The following XKR4 variants were observed in gnomAD, a reference collection of about 807,000 sequenced individuals.
XKR4 encodes the protein XK related 4.
XKR4 carries 12 observed loss-of-function variants against 53.9 expected under a neutral mutation model. That is an observed-to-expected ratio of 0.22 (90% CI 0.14 to 0.36). The LOEUF (loss-of-function observed/expected upper bound fraction) is 0.36. XKR4 is among the 10% of genes least tolerant of loss of function. XKR4 has a pLI of 1.00. For synonymous variants in XKR4, 354 were observed against 362.4 expected (o/e 0.98, Z 0.26); for missense variants, 799 against 859.5 (o/e 0.93, Z 0.88).
At chr8:55,348,693 C>A (rs2979054) in intron 1 of XKR4, among the ~76,000 whole-genome samples, 18,007 of 125,566 alleles carry the variant, frequency 0.14, 1,363 homozygotes, top group Non-Finnish European at 0.19. Context: ...GACAAACATA[C>A]ACACACACAC....
intron 1 of XKR4, among the ~76,000 whole-genome samples, chr8:55,303,381 C>T (rs558347637): frequency 1.3e-5 from 2 of 152,098 alleles, no homozygotes; most frequent in South Asian, 2.1e-4. Flanking sequence ...TTTTGATGTG[C>T]TGCTGGATTC....
chr8:55,230,144 G>A (rs570583392), intron 1 of XKR4, among the ~76,000 whole-genome samples: 366 of 152,130 alleles, frequency 2.4e-3, no homozygotes, highest in African/African-American at 8.3e-3. Flanking sequence ...TTACTTCTCT[G>A]TTCATGTTAC....
At chr8:55,315,883 T>G (rs10504188) in intron 1 of XKR4, among the ~76,000 whole-genome samples, 1 of 152,060 alleles carries the variant, frequency 6.6e-6, no homozygotes, top group African/African-American at 2.4e-5. Flanking sequence ...TGATAGCATC[T>G]CTCTGAAAAT....
intron 2 of XKR4, among the ~76,000 whole-genome samples, chr8:55,515,796 T>C (rs1057367816): frequency 3.3e-5 from 5 of 152,178 alleles, no homozygotes; most frequent in Non-Finnish European, 5.9e-5. Context: ...GAGGCAAACC[T>C]ATTAGGGAGC....
chr8:55,481,657 G>C lies in XKR4; in HGVS notation c.1007-41624G>C, dbSNP rs1044253751. Among the ~76,000 whole-genome samples the C allele has an allele frequency of 6.5e-4, 99 of 151,888 alleles. 1 individual carries two copies. The highest frequency in any genetic ancestry group is 2.4e-3 in the African/African-American group (98 of 41,366). ...TTGCAACCTACTCATCTGACAAAGG[G>C]CTAATATCCAGAATCTACAATGAAC... On this transcript the variant is annotated intron_variant, in intron 2 of 2. Coordinates refer to ENST00000327381, the MANE Select transcript of XKR4 (RefSeq NM_052898.2).
chr8:55,168,065 T>C (rs573128703), intron 1 of XKR4, among the ~76,000 whole-genome samples: 5 of 152,250 alleles, frequency 3.3e-5, no homozygotes, highest in East Asian at 1.9e-4. Flanking sequence ...ACCATGAAAA[T>C]TGGGAAACTC....
At chr8:55,271,028 A>G (rs572172221) in intron 1 of XKR4, among the ~76,000 whole-genome samples, 3 of 152,328 alleles carry the variant, frequency 2.0e-5, no homozygotes, top group African/African-American at 4.8e-5. Context: ...CTTGTGCTCA[A>G]GAAGAACGAA....
chr8:55,108,330 T>G (rs1018029143), intron 1 of XKR4, among the ~76,000 whole-genome samples: 4 of 152,134 alleles, frequency 2.6e-5, no homozygotes, highest in African/African-American at 9.7e-5. Flanking sequence ...TTTGAAGGCA[T>G]GAAGGAGTCA....
chr8:55,425,629 G>A (rs1474242898), intron 2 of XKR4, among the ~76,000 whole-genome samples: 1 of 152,096 alleles, frequency 6.6e-6, no homozygotes, highest in Non-Finnish European at 1.5e-5. Context: ...TCTATCTGTT[G>A]GAGTTAGCCC....
At chr8:55,340,947 A>C (rs533122678) in intron 1 of XKR4, among the ~76,000 whole-genome samples, 1 of 152,296 alleles carries the variant, frequency 6.6e-6, no homozygotes, top group Non-Finnish European at 1.5e-5. Context: ...CGACAACCTG[A>C]AGAACTCAAA....
At chr8:55,288,595 G>A (rs548359594) in intron 1 of XKR4, among the ~76,000 whole-genome samples, 33 of 152,256 alleles carry the variant, frequency 2.2e-4, no homozygotes, top group African/African-American at 7.2e-4. Context: ...TGTTTTTAAA[G>A]CAAATATTCA....
chr8:55,311,844 A>AG (rs943835217), intron 1 of XKR4, among the ~76,000 whole-genome samples: 2 of 150,362 alleles, frequency 1.3e-5, no homozygotes, highest in South Asian at 2.1e-4. Flanking sequence ...AAAAAAAAAA[A>AG]AAAAAAAGAA....
chr8:55,401,955 T>C (rs1428001994), intron 2 of XKR4, among the ~76,000 whole-genome samples: 1 of 152,206 alleles, frequency 6.6e-6, no homozygotes, highest in Non-Finnish European at 1.5e-5. Flanking sequence ...AACTACTTTA[T>C]GTAAAATAAC....
At chr8:55,491,371 T>G (rs1806270005) in intron 2 of XKR4, among the ~76,000 whole-genome samples, 1 of 152,240 alleles carries the variant, frequency 6.6e-6, no homozygotes, top group South Asian at 2.1e-4. Context: ...TGTCCATGAT[T>G]TTTTATTGGA....
intron 1 of XKR4, among the ~76,000 whole-genome samples, chr8:55,261,502 A>G (rs1818525981): frequency 6.6e-6 from 1 of 152,202 alleles, no homozygotes; most frequent in Non-Finnish European, 1.5e-5. Context: ...AAGATCTTTC[A>G]TTTTGAATTC....
At chr8:55,328,782 G>A (rs1456954734) in intron 1 of XKR4, among the ~76,000 whole-genome samples, 1 of 152,128 alleles carries the variant, frequency 6.6e-6, no homozygotes, top group Admixed American at 6.5e-5. Context: ...TCCCTTCCCT[G>A]AATCTTCACA....
intron 1 of XKR4, among the ~76,000 whole-genome samples, chr8:55,156,859 G>A (rs1585909622): frequency 1.3e-5 from 2 of 152,306 alleles, no homozygotes; most frequent in South Asian, 2.1e-4. Flanking sequence ...CCAACAACAC[G>A]TTTCCGTAAA....
At chr8:55,116,398 C>A (rs1255600146) in intron 1 of XKR4, among the ~76,000 whole-genome samples, 1 of 152,142 alleles carries the variant, frequency 6.6e-6, no homozygotes, top group African/African-American at 2.4e-5. Flanking sequence ...CCCTGCACTT[C>A]CCCTCCTCAC....
intron 1 of XKR4, among the ~76,000 whole-genome samples, chr8:55,353,640 A>G (rs778178894): frequency 6.6e-6 from 1 of 152,220 alleles, no homozygotes; most frequent in Non-Finnish European, 1.5e-5. Flanking sequence ...TTGCATATTC[A>G]TGGAGTATTC....
Sources: allele counts gnomAD v4.1 joint callset (sites outside exome capture counted in the v4.1 genomes callset), GRCh38; gene constraint gnomAD v4.1.1; transcripts MANE v1.5; gene names NCBI Gene and HGNC (gene_info 2026-07-23, HGNC 2026-07-21).